CNBD1: variants seen among roughly 807,000 people sequenced by gnomAD.
CNBD1 encodes cyclic nucleotide-binding domain-containing protein 1.
Under a neutral mutation model 54.4 loss-of-function variants are expected in CNBD1, and 71 were observed. That is an observed-to-expected ratio of 1.30 (90% CI 1.08 to 1.59). CNBD1 has a LOEUF of 1.59. Among genes scored for constraint, CNBD1 ranks in the 40% most tolerant of loss-of-function variants. The pLI, the probability that CNBD1 is intolerant of heterozygous loss-of-function variation, is 0.00. For synonymous variants in CNBD1, 182 were observed against 170.7 expected (o/e 1.07, Z -0.51); for missense variants, 659 against 518.0 (o/e 1.27, Z -2.64).
At chr8:86,877,240 C>T (rs930787701) in intron 1 of CNBD1, among the ~76,000 whole-genome samples, 2 of 152,014 alleles carry the variant, frequency 1.3e-5, no homozygotes, top group Non-Finnish European at 2.9e-5. Context: ...GCTGAAACTT[C>T]ACATTTGTTA....
intron 3 of CNBD1, among the ~76,000 whole-genome samples, chr8:86,923,248 C>T (rs945145464): frequency 6.6e-6 from 1 of 152,146 alleles, no homozygotes; most frequent in African/African-American, 2.4e-5. Context: ...TATCAGTTAT[C>T]CTTGTCTCGA....
At chr8:87,023,963 C>T (rs1441902074) in intron 4 of CNBD1, among the ~76,000 whole-genome samples, 2 of 152,052 alleles carry the variant, frequency 1.3e-5, no homozygotes, top group Admixed American at 6.5e-5. Context: ...GCCGGCCAGG[C>T]GTGGTGGCTC....
intron 2 of CNBD1, among the ~76,000 whole-genome samples, chr8:87,398,536 G>T (rs925252007): frequency 6.6e-6 from 1 of 151,906 alleles, no homozygotes; most frequent in South Asian, 2.1e-4. Context: ...TTTTCCAAAT[G>T]CTTTTCAGCA....
chr8:87,100,926 C>G (rs1341666892), intron 4 of CNBD1, among the ~76,000 whole-genome samples: 1 of 152,206 alleles, frequency 6.6e-6, no homozygotes, highest in East Asian at 1.9e-4. Context: ...ATTGAACCAC[C>G]CATGTAGGGA....
chr8:87,372,461 G>T (rs78192831), intron 10 of CNBD1, among the ~76,000 whole-genome samples: 7,077 of 151,838 alleles, frequency 0.047, 250 homozygotes, highest in Non-Finnish European at 0.073. Flanking sequence ...TATAATGTTT[G>T]TTCCCACTCC....
At chr8:86,964,392 T>C (rs1406493419) in intron 4 of CNBD1, among the ~76,000 whole-genome samples, 1 of 152,226 alleles carries the variant, frequency 6.6e-6, no homozygotes, top group Non-Finnish European at 1.5e-5. Context: ...TCCCTGGTCC[T>C]ATATAAGATG....
intron 8 of CNBD1, among the ~76,000 whole-genome samples, chr8:87,316,922 A>G (rs1296215493): frequency 6.6e-6 from 1 of 151,730 alleles, no homozygotes; most frequent in African/African-American, 2.4e-5. Context: ...TGCATTTTAG[A>G]ATGTGACTTA....
At chr8:86,900,958 A>C (rs1203733804) in intron 2 of CNBD1, among the ~76,000 whole-genome samples, 1 of 152,202 alleles carries the variant, frequency 6.6e-6, no homozygotes, top group Non-Finnish European at 1.5e-5. Flanking sequence ...AACTTCTTTG[A>C]AAAAATATAA....
chr8:87,415,186 T>C (rs1270342794), intron 2 of CNBD1, among the ~76,000 whole-genome samples: 1 of 152,106 alleles, frequency 6.6e-6, no homozygotes, highest in Non-Finnish European at 1.5e-5. Flanking sequence ...GCATTAGTTT[T>C]CCCTGTAGTC....
intron 8 of CNBD1, among the ~76,000 whole-genome samples, chr8:87,302,804 C>T (rs560446299): frequency 5.3e-5 from 8 of 152,050 alleles, no homozygotes; most frequent in East Asian, 1.9e-4. Context: ...GTTACAAAAT[C>T]AATGTGCAAA....
intron 4 of CNBD1, among the ~76,000 whole-genome samples, chr8:87,002,578 A>G (rs1446589650): frequency 6.7e-6 from 1 of 148,644 alleles, no homozygotes; most frequent in Non-Finnish European, 1.5e-5. Flanking sequence ...ACTCTTACTC[A>G]TGCTGAAACC....
At chr8:87,008,080 A>G (rs1358813123) in intron 4 of CNBD1, among the ~76,000 whole-genome samples, 2 of 152,192 alleles carry the variant, frequency 1.3e-5, no homozygotes, top group African/African-American at 4.8e-5. Flanking sequence ...TTGGAATTTT[A>G]TCTATACTGA....
intron 8 of CNBD1, among the ~76,000 whole-genome samples, chr8:87,339,861 A>C (rs1810029631): frequency 6.6e-6 from 1 of 152,104 alleles, no homozygotes; most frequent in African/African-American, 2.4e-5. Flanking sequence ...GTATTTCTAT[A>C]ATTATAATTT....
At chr8:87,000,637 G>C (rs1808972239) in intron 4 of CNBD1, among the ~76,000 whole-genome samples, 1 of 152,158 alleles carries the variant, frequency 6.6e-6, no homozygotes, top group Non-Finnish European at 1.5e-5. Context: ...TTAAATGTTA[G>C]ATATTATGCC....
chr8:87,358,035 C>T (rs972530860), intron 10 of CNBD1, among the ~76,000 whole-genome samples: 2 of 152,138 alleles, frequency 1.3e-5, no homozygotes, highest in African/African-American at 4.8e-5. Flanking sequence ...ATGTGACATG[C>T]CTGCTCCTTC....
At position 86,896,916 on chromosome 8, in the gene CNBD1, A is replaced by G. The variant is rs572907982; in HGVS notation, c.159-8165A>G. On this transcript the variant is annotated intron_variant, in intron 2 of 10. Coordinates refer to ENST00000518476, the MANE Select transcript of CNBD1 (RefSeq NM_173538.3). The stretch of plus-strand genomic sequence containing the variant: ...ATTGCTATGAATAGAAAATCATCAA[A>G]AAAAATTAAAATGGCCAATAAATTC... 3.9e-5 allele frequency among the ~76,000 whole-genome samples: 6 copies of G among 152,352 alleles called. No individual in the cohort carries two copies. In the South Asian group the frequency reaches 1.2e-3, roughly 32 times the overall value.
chr8:87,151,418 C>T (rs1812601093), intron 4 of CNBD1, among the ~76,000 whole-genome samples: 1 of 152,128 alleles, frequency 6.6e-6, no homozygotes, highest in Non-Finnish European at 1.5e-5. Flanking sequence ...ATAAGTAATA[C>T]AAGTATATAG....
At chr8:87,206,709 T>G (rs111909389) in intron 5 of CNBD1, among the ~76,000 whole-genome samples, 10 of 152,338 alleles carry the variant, frequency 6.6e-5, no homozygotes, top group African/African-American at 2.2e-4. Context: ...GATATATTAA[T>G]AGACTTGTTA....
At chr8:87,389,783 T>A (rs1811270001) in intron 2 of CNBD1, among the ~76,000 whole-genome samples, 1 of 152,180 alleles carries the variant, frequency 6.6e-6, no homozygotes, top group African/African-American at 2.4e-5. Flanking sequence ...GGAGCCCGCA[T>A]TGCCCAGTCA....
Sources: gnomAD v4.1 joint callset for allele counts (sites outside exome capture counted in the v4.1 genomes callset) on GRCh38, gnomAD v4.1.1 for gene constraint, MANE v1.5 for transcripts, NCBI Gene and HGNC (gene_info 2026-07-23, HGNC 2026-07-21) for gene names.